Variants in MED16 observed in about 807,000 individuals in gnomAD.
The protein encoded by MED16 is mediator complex subunit 16.
MED16 carries 81 observed loss-of-function variants against 84.4 expected under a neutral mutation model. That is an observed-to-expected ratio of 0.96 (90% confidence interval 0.80 to 1.15). The LOEUF (loss-of-function observed/expected upper bound fraction) is 1.15. MED16 is among the 50% of genes most tolerant of loss of function. MED16 has a pLI of 0.00. For synonymous variants in MED16, 897 were observed against 552.2 expected, an observed-to-expected ratio of 1.62 and a Z score of -8.76; for missense variants, 1,585 against 1,245.9, an observed-to-expected ratio of 1.27 and a Z score of -4.10.
At position 868,218 on chromosome 19, in the gene MED16, C is replaced by T; in HGVS notation, c.2517G>A (p.Val839=). 3.1e-6 allele frequency: 5 copies of T among 1,600,940 alleles called. No individual in the cohort carries two copies. Among genetic ancestry groups the T allele is most frequent in the South Asian group, 1.1e-5 (1 of 89,636 alleles). ...GGGCTTCCTCAGAAGCTCTGCTGGT[C>T]ACGCAGGCGTCCGGCCCACGGCCTT... The part of the protein sequence containing the change: ...AVEGRGPDAC[V]TSRASEEAPA... Residue 839 remains valine, a synonymous_variant, in exon 16 of 16, where the codon GTG becomes GTA. Transcript: ENST00000325464.
Position 891,008 on chromosome 19 carries a change from G to T in MED16, c.124C>A (p.Arg42=). The part of the protein sequence containing the change: ...SVPLACAWSC[R]NLIAFTMDLR... Reference sequence around the variant, plus strand: ...TCCATGGTGAAGGCGATGAGATTTCGGCAGGACCAGGCGCAGGCCAGGGGC... The same window carrying T: ...TCCATGGTGAAGGCGATGAGATTTCTGCAGGACCAGGCGCAGGCCAGGGGC... The change falls in exon 2 of 16, where the codon CGA becomes AGA. Residue 42 remains arginine (R), a synonymous_variant. Transcript: ENST00000325464. The T allele has an allele frequency of 3.1e-6, 5 of 1,614,032 alleles. No homozygotes were observed. Among genetic ancestry groups the T allele is most frequent in the Non-Finnish European group, 4.2e-6 (5 of 1,180,006 alleles).
intron 5 of MED16, 140 bp downstream of exon 5, chr19:885,629 TG>T: frequency 9.9e-7 from 1 of 1,014,050 alleles, no homozygotes; most frequent in Non-Finnish European, 1.4e-6. Context: ...GGTTCTCCCC[TG>T]GAGCCCCCGG....
chr19:875,347 G>T lies in MED16; in HGVS notation c.1668C>A (p.Ile556=). Reference sequence around the variant, plus strand: ...GCAGCAGCGACTTCAGGGTGGAGCTGATGGCGATGAGGAAGAGCTTGGTGT... The same window carrying T: ...GCAGCAGCGACTTCAGGGTGGAGCTTATGGCGATGAGGAAGAGCTTGGTGT... ...DYHTKLFLIA[I]SSTLKSLLRP... is the part of the protein sequence containing the mutation. Residue 556 remains isoleucine (I), a synonymous_variant, in exon 10 of 16, where the codon ATC becomes ATA. Transcript: ENST00000325464. 6.2e-7 allele frequency: 1 copy of T among 1,610,382 alleles called. No homozygotes were observed.
intron 14 of MED16, 90 bp from the exon 15 acceptor site, chr19:868,589 C>T (rs2035972019): frequency 6.5e-7 from 1 of 1,527,388 alleles, no homozygotes; most frequent in Non-Finnish European, 8.8e-7. Context: ...AGGTCTCCCT[C>T]TGCTCGCCGT....
chr19:874,209 G>A (rs889972840), intron 10 of MED16, among the ~76,000 whole-genome samples: 3 of 152,076 alleles, frequency 2.0e-5, no homozygotes, highest in African/African-American at 4.8e-5. Flanking sequence ...CGCCTCCCGG[G>A]TTCACGCCAT....
chr19:878,529 A>G (rs1599330169), intron 8 of MED16, among the ~76,000 whole-genome samples: 114 of 67,082 alleles, frequency 1.7e-3, no homozygotes, highest in African/African-American at 2.1e-3. Context: ...CCAGCAGCTC[A>G]CCTTCCCGTG....
intron 6 of MED16, among the ~76,000 whole-genome samples, chr19:883,803 G>A (rs367850686): frequency 5.3e-5 from 8 of 152,138 alleles, no homozygotes; most frequent in Admixed American, 2.6e-4. Context: ...AGGAGCCAGC[G>A]CAGCCCAAAC....
At chr19:887,071 C>G (rs1568332363) in intron 4 of MED16, among the ~76,000 whole-genome samples, 2 of 150,602 alleles carry the variant, frequency 1.3e-5, no homozygotes, top group Non-Finnish European at 2.9e-5. Flanking sequence ...GAGAGCAAAA[C>G]TTTGTCTCAA....
intron 10 of MED16, among the ~76,000 whole-genome samples, 187 bp from the exon 11 acceptor site, chr19:873,769 G>GC (rs151113242): frequency 0.016 from 2,455 of 150,454 alleles, 52 homozygotes; most frequent in African/African-American, 0.051. Flanking sequence ...CCCACTGCCT[G>GC]CCCCCCCCCG....
intron 8 of MED16, among the ~76,000 whole-genome samples, chr19:878,207 A>C (rs1290921530): frequency 2.6e-4 from 20 of 77,434 alleles, no homozygotes; most frequent in East Asian, 6.8e-4. Context: ...CCAGCAGCTC[A>C]CCTTCCCCTG....
chr19:878,930 C>A (rs1477990493), intron 8 of MED16, among the ~76,000 whole-genome samples: 9 of 109,534 alleles, frequency 8.2e-5, no homozygotes, highest in African/African-American at 3.5e-4. Flanking sequence ...CCGGCCCCGG[C>A]CCCGGCCCCG....
At chr19:892,368 G>T (rs1353948581) in intron 1 of MED16, 5 of 155,562 alleles carry the variant, frequency 3.2e-5, no homozygotes, top group Non-Finnish European at 7.1e-5. Flanking sequence ...AGGCTTCACC[G>T]TAGGGGTCCC....
At position 890,189 on chromosome 19, in the gene MED16, C is replaced by G. The variant is rs764767247; in HGVS notation, c.225G>C (p.Ser75=). ...TGGCCTCGTGGTGCTCTGAGGGGAT[C>G]GAGTGCAGGTCCCAGGGGTGCTCCG... ...LDTEHPWDLH[S]IPSEHHEAIT... is the part of the protein sequence containing the mutation. Residue 75 remains serine (S), a synonymous_variant, in exon 3 of 16, where the codon TCG becomes TCC. Transcript: ENST00000325464. The G allele has an allele frequency of 2.6e-6, 4 of 1,554,514 alleles. No individual in the cohort carries two copies. In the South Asian group the frequency reaches 4.7e-5, roughly 18 times the overall value.
At chr19:881,360 C>T (rs567249763) in intron 7 of MED16, among the ~76,000 whole-genome samples, 199 bp downstream of exon 7, 1 of 152,346 alleles carries the variant, frequency 6.6e-6, no homozygotes, top group Non-Finnish European at 1.5e-5. Context: ...GCCAGCCTCA[C>T]AGATCCCGAA....
At chr19:871,528 A>C in intron 12 of MED16, 1 of 1,568,840 alleles carries the variant, frequency 6.4e-7, no homozygotes, top group Non-Finnish European at 8.6e-7. Context: ...CCTTTTCCAG[A>C]CACTGGGATG....
chr19:871,601 G>C (rs776091251), intron 12 of MED16: 4 of 1,595,800 alleles, frequency 2.5e-6, no homozygotes, highest in Non-Finnish European at 2.5e-6. Flanking sequence ...ACAGCAAACA[G>C]GTGCCTGGAA....
chr19:879,530 TGCCTACCAGGGCCAC>T (rs2036362112), intron 8 of MED16, among the ~76,000 whole-genome samples: 1 of 113,616 alleles, frequency 8.8e-6, no homozygotes, highest in African/African-American at 3.5e-5. Flanking sequence ...TGGTTGTCAA[TGCCTACCAGGGCCAC>T]GCCCCAGCAG....
At chr19:877,326 G>T in intron 8 of MED16, 146 bp from the exon 9 acceptor site, 2 of 733,230 alleles carry the variant, frequency 2.7e-6, no homozygotes, top group Non-Finnish European at 2.2e-6. Flanking sequence ...GCATGTGTCT[G>T]TAGCGTCTGT....
rs759128500 is a variant in MED16, at chr19:885,753, G to A, written c.879+17C>T. 3.1e-6 allele frequency: 5 copies of A among 1,599,002 alleles called. No homozygotes were observed. The highest frequency in any genetic ancestry group is 1.7e-5 in the Admixed American group (1 of 59,922). On this transcript the variant is annotated intron_variant, in intron 5 of 15. Transcript: ENST00000325464. Reference sequence around the variant, plus strand: ...TTCCAAGCCTGCCAGCCCACGTGATGGCCTGCGCCCGTTCACCTGCTCCGA... The same window carrying A: ...TTCCAAGCCTGCCAGCCCACGTGATAGCCTGCGCCCGTTCACCTGCTCCGA...
Sources: gnomAD v4.1 joint callset for allele counts (sites outside exome capture counted in the v4.1 genomes callset) on GRCh38, gnomAD v4.1.1 for gene constraint, MANE v1.5 for transcripts, NCBI Gene and HGNC (gene_info 2026-07-23, HGNC 2026-07-21) for gene names.